The following USP15 variants were observed in gnomAD, a reference collection of about 807,000 sequenced individuals.
The protein encoded by USP15 is ubiquitin carboxyl-terminal hydrolase 15.
Under a neutral mutation model 127.1 loss-of-function variants are expected in USP15, and 18 were observed. That is an observed-to-expected ratio of 0.14 (90% CI 0.10 to 0.21). The LOEUF (loss-of-function observed/expected upper bound fraction) is 0.21, where lower values mean the gene tolerates loss of function less well. USP15 is among the 10% of genes least tolerant of loss of function. The pLI is 1.00. For synonymous variants in USP15, 364 were observed against 393.7 expected (o/e 0.92, Z 0.89); for missense variants, 805 against 1,159.9 (o/e 0.69, Z 4.44).
At chr12:62,345,595 A>G (rs1256999488) in intron 6 of USP15, among the ~76,000 whole-genome samples, 3 of 152,028 alleles carry the variant, frequency 2.0e-5, no homozygotes, top group East Asian at 3.9e-4. Context: ...TTGCTTACAC[A>G]TTTTCGGGTA....
chr12:62,401,090 T>A (rs1592741385), intron 20 of USP15, 97 bp from the exon 21 acceptor site: 2 of 701,658 alleles, frequency 2.9e-6, no homozygotes, highest in Non-Finnish European at 4.7e-6. Context: ...ATTATCAGTG[T>A]TAATAGATAT....
chr12:62,340,948 T>A (rs1024684190), intron 6 of USP15, among the ~76,000 whole-genome samples: 1 of 152,188 alleles, frequency 6.6e-6, no homozygotes, highest in Non-Finnish European at 1.5e-5. Flanking sequence ...TCTATCTCAT[T>A]GATCTGTCTA....
chr12:62,314,355 A>G (rs1214419120), intron 3 of USP15, among the ~76,000 whole-genome samples: 1 of 151,874 alleles, frequency 6.6e-6, no homozygotes. Flanking sequence ...GATCACTACT[A>G]AAAGCTAAGA....
At position 62,278,061 on chromosome 12, in the gene USP15, A is replaced by G. The variant is rs1323350581; in HGVS notation, c.90-16118A>G. ...AATATTTTCTTCATATCCTTATTCT[A>G]TAAGCTTTTTTCTATTTCTAAATTT... On this transcript the variant is annotated intron_variant, in intron 1 of 21. Coordinates refer to ENST00000280377, the MANE Select transcript of USP15 (RefSeq NM_001252078.2). 3.3e-5 allele frequency among the ~76,000 whole-genome samples: 5 copies of G among 152,272 alleles called. No homozygotes were observed. The South Asian group carries it at 8.3e-4, about 25-fold the overall frequency.
chr12:62,355,222 AAG>A (rs1384298135), intron 7 of USP15, 107 bp from the exon 8 acceptor site: 38 of 1,021,714 alleles, frequency 3.7e-5, no homozygotes, highest in African/African-American at 2.0e-4. Context: ...TACTTTATAA[AAG>A]AAATGTAATG....
chr12:62,276,860 TA>T (rs750841009), intron 1 of USP15, among the ~76,000 whole-genome samples: 5 of 152,100 alleles, frequency 3.3e-5, no homozygotes, highest in African/African-American at 9.7e-5. Context: ...TTTTCAGAAA[TA>T]AAAAGTAATG....
In USP15 at chr12:62,413,193, T is replaced by C. The variant is rs1042101242; in HGVS notation, c.*8818T>C. The C allele has an allele frequency of 6.6e-6, 1 of 152,314 alleles. No homozygotes were observed. The highest frequency in any genetic ancestry group is 1.5e-5 in the Non-Finnish European group (1 of 68,014). 9.4% of individuals were successfully genotyped at this position (152,314 alleles called of 1,614,324 possible). ...AGATCTCCGCAGTGGGCTTAAAATATTTAGTAAACCTTCCTATAAACGGAT... is the reference window on the plus strand; with the variant it reads ...AGATCTCCGCAGTGGGCTTAAAATACTTAGTAAACCTTCCTATAAACGGAT... On this transcript the variant is annotated 3_prime_UTR_variant, in exon 22 of 22. Transcript: ENST00000280377.
At chr12:62,318,361 C>G (rs1469557994) in intron 4 of USP15, among the ~76,000 whole-genome samples, 1 of 152,128 alleles carries the variant, frequency 6.6e-6, no homozygotes, top group Admixed American at 6.6e-5. Context: ...ATTGACAAAT[C>G]CAGTGGTAAT....
At chr12:62,375,548 G>C (rs1307440623) in intron 8 of USP15, among the ~76,000 whole-genome samples, 1 of 152,114 alleles carries the variant, frequency 6.6e-6, no homozygotes, top group Non-Finnish European at 1.5e-5. Context: ...AACGGAGTTC[G>C]AGGTATCAAG....
intron 2 of USP15, among the ~76,000 whole-genome samples, chr12:62,294,917 G>A (rs1022739400): frequency 6.6e-6 from 1 of 152,156 alleles, no homozygotes; most frequent in East Asian, 1.9e-4. Flanking sequence ...AGTGATCCTT[G>A]AGAGATGCGA....
At chr12:62,364,127 G>A (rs1442847663) in intron 8 of USP15, among the ~76,000 whole-genome samples, 5 of 152,066 alleles carry the variant, frequency 3.3e-5, no homozygotes, top group African/African-American at 4.8e-5. Context: ...TCTAAATGAG[G>A]GTATCTATGA....
At chr12:62,388,117 A>ATTTTTTTTTTTTTTTTTTTTTTTTTTT (rs58192089) in intron 11 of USP15, among the ~76,000 whole-genome samples, 2 of 106,586 alleles carry the variant, frequency 1.9e-5, no homozygotes, top group African/African-American at 3.6e-5. Flanking sequence ...AATGGTGAAG[A>ATTTTTTTTTTTTTTTTTTTTTTTTTTT]TTTTTTTTTT....
chr12:62,383,670 C>G (rs976742230), intron 9 of USP15, among the ~76,000 whole-genome samples, 170 bp from the exon 10 acceptor site: 1 of 151,908 alleles, frequency 6.6e-6, no homozygotes, highest in African/African-American at 2.4e-5. Flanking sequence ...TTTTGCCACT[C>G]TGAAAATATC....
chr12:62,287,431 T>C (rs1205144114), intron 1 of USP15, among the ~76,000 whole-genome samples: 1 of 152,232 alleles, frequency 6.6e-6, no homozygotes, highest in Non-Finnish European at 1.5e-5. Context: ...GCCATTGTTG[T>C]CATTGAGTAG....
At chr12:62,318,880 A>G (rs977012990) in intron 4 of USP15, among the ~76,000 whole-genome samples, 20 of 152,276 alleles carry the variant, frequency 1.3e-4, no homozygotes, top group African/African-American at 3.6e-4. Flanking sequence ...CTAGCAGCAT[A>G]TCTTCTTAGC....
Position 62,381,547 on chromosome 12 carries a change from G to T in USP15, c.973G>T (p.Glu325Ter). The change falls in exon 9 of 22, where the codon GAA becomes TAA. Residue 325 changes from glutamate to a stop codon, truncating the protein, a stop_gained. Transcript: ENST00000280377. LOFTEE classifies it high-confidence loss of function. The stretch of plus-strand genomic sequence containing the variant: ...TTTCCTCAATGATAAGTATCAAGAA[G>T]AACTGAATTTTGACAATCCCTTAGG... ...EYFLNDKYQE[E>*]LNFDNPLGMR... 1 of 1,612,880 alleles carries T rather than the reference G, an allele frequency of 6.2e-7. No homozygotes were observed. The highest frequency in any genetic ancestry group is 8.5e-7 in the Non-Finnish European group (1 of 1,179,182).
At chr12:62,329,361 ACT>A (rs1297638812) in intron 6 of USP15, among the ~76,000 whole-genome samples, 3 of 152,188 alleles carry the variant, frequency 2.0e-5, no homozygotes, top group African/African-American at 7.2e-5. Context: ...ACACAGTGAG[ACT>A]CTATCTGAAA....
chr12:62,323,605 G>A (rs2065047646), intron 5 of USP15, among the ~76,000 whole-genome samples: 4 of 152,110 alleles, frequency 2.6e-5, no homozygotes, highest in Admixed American at 2.6e-4. Context: ...AGCCAACACC[G>A]CCCTTTTATG....
In USP15 at chr12:62,374,672, C is replaced by T. The variant is rs538812329; in HGVS notation, c.916-6818C>T. On this transcript the variant is annotated intron_variant, in intron 8 of 21. Transcript: ENST00000280377. Reference sequence around the variant, plus strand: ...TTTGACTTCATCAATTTATAAAAAACTTATGTAGAAATTTAGCAAAATACA... The same window carrying T: ...TTTGACTTCATCAATTTATAAAAAATTTATGTAGAAATTTAGCAAAATACA... 4.9e-6 allele frequency: 4 copies of T among 812,756 alleles called. No individual in the cohort carries two copies. The African/African-American group carries it at 7.5e-5, about 15-fold the overall frequency. The allele number at this position is 812,756 out of a possible 1,614,324, so 50.3% of individuals were successfully genotyped here.
Sources: gnomAD v4.1 joint callset for allele counts (sites outside exome capture counted in the v4.1 genomes callset) on GRCh38, gnomAD v4.1.1 for gene constraint, MANE v1.5 for transcripts, NCBI Gene and HGNC (gene_info 2026-07-23, HGNC 2026-07-21) for gene names.